SLC12A6: variants seen among roughly 807,000 people sequenced by gnomAD.
SLC12A6 encodes K-Cl cotransporter 3.
Under a neutral mutation model 135.3 loss-of-function variants are expected in SLC12A6, and 66 were observed. The ratio of observed to expected loss-of-function variants is 0.49; its 90% CI spans 0.40 to 0.60. The LOEUF (loss-of-function observed/expected upper bound fraction) is 0.60, where lower values mean the gene tolerates loss of function less well. Ranked by LOEUF, SLC12A6 falls within the 20% of genes least tolerant of loss-of-function variation. The pLI, the probability that SLC12A6 is intolerant of heterozygous loss-of-function variation, is 0.00. For synonymous variants in SLC12A6, 513 were observed against 508.8 expected (o/e 1.01, Z -0.11); for missense variants, 1,058 against 1,452.3 (o/e 0.73, Z 4.41).
chr15:34,274,638 C>A (rs1407227146), intron 3 of SLC12A6, among the ~76,000 whole-genome samples: 3 of 152,048 alleles, frequency 2.0e-5, no homozygotes, highest in Non-Finnish European at 2.9e-5. Flanking sequence ...CATGGTGAAA[C>A]CCTGTCTGTA....
intron 2 of SLC12A6, among the ~76,000 whole-genome samples, chr15:34,328,196 T>A (rs1284731582): frequency 6.6e-6 from 1 of 152,118 alleles, no homozygotes; most frequent in African/African-American, 2.4e-5. Flanking sequence ...AGTTTTCAAC[T>A]ACAAAAACTG....
chr15:34,281,826 T>A (rs896203270), intron 2 of SLC12A6, among the ~76,000 whole-genome samples: 1 of 151,990 alleles, frequency 6.6e-6, no homozygotes, highest in African/African-American at 2.4e-5. Context: ...AGTAGGCAAT[T>A]TTAGGCAAAG....
intron 2 of SLC12A6, among the ~76,000 whole-genome samples, chr15:34,324,019 G>A (rs1889299566): frequency 6.6e-6 from 1 of 151,434 alleles, no homozygotes; most frequent in African/African-American, 2.4e-5. Flanking sequence ...TTTGGAAAAA[G>A]TTCCAGTAGT....
chr15:34,324,738 T>C (rs1207619147), intron 2 of SLC12A6, among the ~76,000 whole-genome samples: 2 of 151,776 alleles, frequency 1.3e-5, no homozygotes, highest in East Asian at 3.9e-4. Context: ...GAGCACTCTA[T>C]ATCCCATACT....
chr15:34,275,329 C>T lies in SLC12A6; in HGVS notation c.316+16G>A, dbSNP rs777585316. 7.3e-7 allele frequency: 1 copy of T among 1,366,256 alleles called. No homozygotes were observed. The highest frequency in any genetic ancestry group is 1.0e-6 in the Non-Finnish European group (1 of 955,216). 84.6% of individuals were successfully genotyped at this position (1,366,256 alleles called of 1,614,324 possible). On this transcript the variant is annotated intron_variant, in intron 3 of 25. Coordinates refer to ENST00000354181, the MANE Select transcript of SLC12A6 (RefSeq NM_001365088.1). ...GGTGACTTTGGATAAAGTCAATCCC[C>T]ACAGTAATACTATACCTAACAGTTG... is the stretch of plus-strand genomic sequence containing the variant.
intron 3 of SLC12A6, among the ~76,000 whole-genome samples, chr15:34,264,820 C>G (rs1893385946): frequency 6.6e-6 from 1 of 152,082 alleles, no homozygotes; most frequent in African/African-American, 2.4e-5. Context: ...TTTTCTGTAC[C>G]TTTGATATTT....
At chr15:34,324,271 T>G (rs1889318355) in intron 2 of SLC12A6, among the ~76,000 whole-genome samples, 1 of 152,172 alleles carries the variant, frequency 6.6e-6, no homozygotes, top group African/African-American at 2.4e-5. Context: ...CATACAGGTA[T>G]GAAATATTTA....
chr15:34,273,697 A>G (rs946420787), intron 3 of SLC12A6, among the ~76,000 whole-genome samples: 1 of 152,222 alleles, frequency 6.6e-6, no homozygotes, highest in African/African-American at 2.4e-5. Flanking sequence ...TTAAACAGCT[A>G]AAAGCTCAGC....
At chr15:34,237,655 G>T in intron 21 of SLC12A6, 105 bp from the exon 22 acceptor site, 1 of 917,280 alleles carries the variant, frequency 1.1e-6, no homozygotes, top group Non-Finnish European at 1.8e-6. Context: ...GCTATATGTA[G>T]TATAAGGCTA....
At chr15:34,294,548 C>T (rs1895752748) in intron 2 of SLC12A6, among the ~76,000 whole-genome samples, 1 of 146,414 alleles carries the variant, frequency 6.8e-6, no homozygotes, top group Admixed American at 6.7e-5. Flanking sequence ...AGCCACCACA[C>T]CTGGCCCTAA....
chr15:34,297,154 T>C (rs1422219313), intron 2 of SLC12A6, among the ~76,000 whole-genome samples: 1 of 152,200 alleles, frequency 6.6e-6, no homozygotes, highest in Non-Finnish European at 1.5e-5. Flanking sequence ...CAAATGTTGC[T>C]AATCTCTTTT....
intron 24 of SLC12A6, 67 bp downstream of exon 24, chr15:34,235,948 A>G: frequency 2.4e-6 from 3 of 1,230,036 alleles, no homozygotes; most frequent in Non-Finnish European, 3.6e-6. Flanking sequence ...CTGTGTGTCC[A>G]GGCAAAGTCA....
At chr15:34,235,973 AT>A in intron 24 of SLC12A6, 41 bp downstream of exon 24, 1 of 1,479,830 alleles carries the variant, frequency 6.8e-7, no homozygotes, top group African/African-American at 1.4e-5. Flanking sequence ...TGTGCCACTG[AT>A]TAGGTAATTT....
intron 3 of SLC12A6, among the ~76,000 whole-genome samples, chr15:34,271,602 T>TAC (rs10588100): frequency 0.058 from 8,669 of 148,908 alleles, 795 homozygotes; most frequent in African/African-American, 0.2. Flanking sequence ...AGTGCAAAGC[T>TAC]ACACACACAC....
intron 2 of SLC12A6, among the ~76,000 whole-genome samples, chr15:34,296,727 C>T (rs967069643): frequency 3.3e-5 from 5 of 152,044 alleles, no homozygotes; most frequent in African/African-American, 1.2e-4. Flanking sequence ...GTAAGACTGC[C>T]CCATCCCTTT....
chr15:34,336,042 C>G (rs1890173243), intron 2 of SLC12A6, among the ~76,000 whole-genome samples: 1 of 152,234 alleles, frequency 6.6e-6, no homozygotes. Context: ...ATGATGGCTA[C>G]AGAACACATA....
At position 34,238,969 on chromosome 15, in the gene SLC12A6, A is replaced by G. The variant is rs2140653423; in HGVS notation, c.2628T>C (p.Phe876=). The part of the protein sequence containing the change: ...QSEDARAWKT[F]IGTVRVTTAA... ...TGTATGAGAAATGGTTAGTACCAAT[A>G]AAAGTCTTCCAAGCGCGGGCATCTT... is the stretch of plus-strand genomic sequence containing the variant. Residue 876 remains phenylalanine (F), a synonymous_variant, in exon 20 of 26, where the codon TTT becomes TTC. Transcript: ENST00000354181. 1 of 1,613,496 alleles carries G rather than the reference A, an allele frequency of 6.2e-7. No individual in the cohort carries two copies. The highest frequency in any genetic ancestry group is 1.1e-5 in the South Asian group (1 of 91,070).
At chr15:34,320,592 T>C (rs1205997041) in intron 2 of SLC12A6, among the ~76,000 whole-genome samples, 1 of 147,740 alleles carries the variant, frequency 6.8e-6, no homozygotes, top group Non-Finnish European at 1.5e-5. Flanking sequence ...GGCCTTGTTT[T>C]GGAATAAACA....
chr15:34,291,570 A>G (rs1191495440), intron 2 of SLC12A6, among the ~76,000 whole-genome samples: 1 of 152,162 alleles, frequency 6.6e-6, no homozygotes, highest in African/African-American at 2.4e-5. Context: ...AATATCCTGA[A>G]GAGTGTTTTC....
Sources: gnomAD v4.1 joint callset for allele counts (sites outside exome capture counted in the v4.1 genomes callset) on GRCh38, gnomAD v4.1.1 for gene constraint, MANE v1.5 for transcripts, NCBI Gene and HGNC (gene_info 2026-07-23, HGNC 2026-07-21) for gene names.